Variants in PPP1R14C observed in about 807,000 individuals in gnomAD.
The protein encoded by PPP1R14C is protein phosphatase 1 regulatory inhibitor subunit 14C, also known as protein phosphatase 1 regulatory subunit 14C.
In PPP1R14C, 16 loss-of-function variants were observed where a neutral mutation model predicts 20.4. The observed-to-expected ratio is 0.78, with a 90% CI of 0.53 to 1.19. The LOEUF is 1.19. Among genes scored for constraint, PPP1R14C ranks in the 50% most tolerant of loss-of-function variants. PPP1R14C has a pLI of 0.00. For missense variants in PPP1R14C, 211 were observed against 220.1 expected, an observed-to-expected ratio of 0.96 and a Z score of 0.26; for synonymous variants, 91 against 91.0, an observed-to-expected ratio of 1.00 and a Z score of 0.00.
intron 3 of PPP1R14C, 29 bp downstream of exon 3, chr6:150,216,885 TGTTTGAACTG>T: frequency 1.3e-6 from 2 of 1,575,082 alleles, no homozygotes; most frequent in Non-Finnish European, 1.7e-6. Flanking sequence ...CTAAATGCCA[TGTTTGAACTG>T]GTTTTTATTA....
chr6:150,181,940 C>T (rs551668325), intron 1 of PPP1R14C, among the ~76,000 whole-genome samples: 23 of 152,274 alleles, frequency 1.5e-4, no homozygotes, highest in African/African-American at 5.1e-4. Context: ...CCTTCTTCTT[C>T]GTCCGTAGCA....
intron 1 of PPP1R14C, among the ~76,000 whole-genome samples, chr6:150,195,496 C>T (rs192036696): frequency 6.6e-6 from 1 of 152,278 alleles, no homozygotes; most frequent in Non-Finnish European, 1.5e-5. Context: ...TACAGGCACC[C>T]ACCACCATGC....
chr6:150,202,095 C>G (rs1398534480), intron 1 of PPP1R14C, among the ~76,000 whole-genome samples: 2 of 152,192 alleles, frequency 1.3e-5, no homozygotes, highest in East Asian at 3.9e-4. Context: ...TGCCCTCTGA[C>G]CCTGGTGTAG....
intron 3 of PPP1R14C, among the ~76,000 whole-genome samples, chr6:150,235,826 G>A (rs1006688377): frequency 6.6e-6 from 1 of 152,146 alleles, no homozygotes; most frequent in East Asian, 1.9e-4. Context: ...AAGAGGCTAC[G>A]GGCAGAACTG....
chr6:150,216,014 G>A (rs1305889169), intron 2 of PPP1R14C, among the ~76,000 whole-genome samples: 2 of 152,162 alleles, frequency 1.3e-5, no homozygotes, highest in African/African-American at 4.8e-5. Flanking sequence ...AAACCATTTG[G>A]ATCCTGCCGG....
At chr6:150,151,360 C>T (rs1429258609) in intron 1 of PPP1R14C, among the ~76,000 whole-genome samples, 1 of 152,152 alleles carries the variant, frequency 6.6e-6, no homozygotes, top group Non-Finnish European at 1.5e-5. Context: ...ACGTGGCATG[C>T]TTATCTCTTG....
rs74471682 is a variant in PPP1R14C, at chr6:150,239,110, G to A, written c.424-9636G>A. Among the ~76,000 whole-genome samples the A allele has an allele frequency of 9.7e-3, 1,475 of 152,290 alleles. 23 individuals are homozygous for A. Among genetic ancestry groups the A allele is most frequent in the African/African-American group, 0.033 (1,379 of 41,550 alleles). ...TAGAATATTGCAAAAGATCATGTCT[G>A]TTGTGGTTAAAGAATTGCCTTAAAT... On this transcript the variant is annotated intron_variant, in intron 3 of 3. Coordinates refer to ENST00000361131, the MANE Select transcript of PPP1R14C (RefSeq NM_030949.3).
At chr6:150,243,656 C>A (rs779634856) in intron 3 of PPP1R14C, among the ~76,000 whole-genome samples, 2 of 152,140 alleles carry the variant, frequency 1.3e-5, no homozygotes, top group Non-Finnish European at 2.9e-5. Flanking sequence ...AGTGATTCAG[C>A]CATTCCACTC....
intron 1 of PPP1R14C, among the ~76,000 whole-genome samples, chr6:150,162,744 G>A (rs1003014360): frequency 6.6e-6 from 1 of 152,176 alleles, no homozygotes; most frequent in Non-Finnish European, 1.5e-5. Context: ...CAGGTGCTTA[G>A]GATACAACAG....
chr6:150,147,378 C>T (rs1777191743), intron 1 of PPP1R14C, among the ~76,000 whole-genome samples: 1 of 152,026 alleles, frequency 6.6e-6, no homozygotes, highest in African/African-American at 2.4e-5. Context: ...CAGGGTTTCA[C>T]TATGTTGGCC....
rs4038164 is a variant in PPP1R14C, at chr6:150,222,765, C to CTTTTTTTTTT, written c.423+5924_423+5933dup. Among the ~76,000 whole-genome samples, 123 of 71,278 alleles carry CTTTTTTTTTT rather than the reference C, an allele frequency of 1.7e-3. 6 individuals carry two copies. The highest frequency in any genetic ancestry group is 3.8e-3 in the East Asian group (7 of 1,860). 46.8% of individuals were successfully genotyped at this position (71,278 alleles called of 152,430 possible). On this transcript the variant is annotated intron_variant, in intron 3 of 3. Transcript: ENST00000361131. Reference sequence around the variant, plus strand: ...AACATTTGAAGCCTTTTCAAACTGGCTTTTTTTTTTTTTTTTTTTTTTTTG... The same window carrying CTTTTTTTTTT: ...AACATTTGAAGCCTTTTCAAACTGGCTTTTTTTTTTTTTTTTTTTTTTTTTTTTTTTTTTG...
Position 150,143,460 on chromosome 6 carries a change from T to G in PPP1R14C, c.268T>G (p.Trp90Gly), listed in dbSNP as rs1472429013. Residue 90 changes from tryptophan to glycine, a missense_variant, in exon 1 of 4, where the codon TGG becomes GGG. Trp to Gly is a radical substitution (Grantham distance 184, BLOSUM62 -2). Coordinates refer to ENST00000361131, the MANE Select transcript of PPP1R14C (RefSeq NM_030949.3). This position sits in a 1 kb window ranked among gnomAD's most constrained non-coding sequence, Gnocchi z 5.6. ...ELRKRLVLEE[W>G]IVEQLGQLYG... ...TCGGAAGCGGCTGGTGCTGGAGGAA[T>G]GGATCGTGGAGCAGCTGGGTCAGCT... 2.5e-6 allele frequency: 4 copies of G among 1,592,552 alleles called. No homozygotes were observed. The highest frequency in any genetic ancestry group is 2.6e-6 in the Non-Finnish European group (3 of 1,168,588).
At chr6:150,167,881 ACC>A (rs922830933) in intron 1 of PPP1R14C, among the ~76,000 whole-genome samples, 1 of 37,002 alleles carries the variant, frequency 2.7e-5, no homozygotes. Context: ...CATATATAGA[ACC>A]CTTGTTTTCC....
At chr6:150,171,544 C>T (rs755432600) in intron 1 of PPP1R14C, among the ~76,000 whole-genome samples, 67 of 152,200 alleles carry the variant, frequency 4.4e-4, no homozygotes, top group Non-Finnish European at 8.1e-4. Flanking sequence ...AGATTTCTCA[C>T]GTCTCCACAC....
At chr6:150,177,914 T>C (rs1297334774) in intron 1 of PPP1R14C, among the ~76,000 whole-genome samples, 1 of 152,184 alleles carries the variant, frequency 6.6e-6, no homozygotes, top group Non-Finnish European at 1.5e-5. Context: ...CCCTGTGGCA[T>C]GTGTGTTTTC....
intron 1 of PPP1R14C, among the ~76,000 whole-genome samples, chr6:150,156,151 G>A (rs1194115536): frequency 2.6e-5 from 4 of 151,842 alleles, no homozygotes; most frequent in Admixed American, 1.3e-4. Context: ...TGCATGAGCC[G>A]TTGGTCATGG....
chr6:150,147,612 A>G (rs1777194436), intron 1 of PPP1R14C, among the ~76,000 whole-genome samples: 1 of 152,232 alleles, frequency 6.6e-6, no homozygotes, highest in Non-Finnish European at 1.5e-5. Flanking sequence ...CTGTACTTCC[A>G]GTTTTGCAAT....
intron 1 of PPP1R14C, among the ~76,000 whole-genome samples, chr6:150,160,981 A>T (rs372766342): frequency 6.6e-6 from 1 of 152,226 alleles, no homozygotes; most frequent in Admixed American, 6.5e-5. Flanking sequence ...AGAGAATGGT[A>T]TTAGAAACCA....
At chr6:150,230,841 T>C (rs1322293920) in intron 3 of PPP1R14C, among the ~76,000 whole-genome samples, 3 of 151,910 alleles carry the variant, frequency 2.0e-5, no homozygotes, top group Admixed American at 2.0e-4. Context: ...GCAGTGATAC[T>C]GTAGTTTCCC....
Sources: gnomAD v4.1 joint callset for allele counts (sites outside exome capture counted in the v4.1 genomes callset) on GRCh38, gnomAD v4.1.1 for gene constraint, Gnocchi (gnomAD v3.1) non-coding constraint, MANE v1.5 for transcripts, NCBI Gene and HGNC (gene_info 2026-07-23, HGNC 2026-07-21) for gene names.